ZNF362: variants seen among roughly 807,000 people sequenced by gnomAD.
ZNF362 encodes zinc finger protein 362.
ZNF362 carries 11 observed loss-of-function variants against 42.9 expected under a neutral mutation model. The ratio of observed to expected loss-of-function variants is 0.26; its 90% CI spans 0.16 to 0.42. ZNF362 has a LOEUF of 0.42. Ranked by LOEUF, ZNF362 falls within the 20% of genes least tolerant of loss-of-function variation. The pLI is 1.00. For synonymous variants in ZNF362, 255 were observed against 257.3 expected, an observed-to-expected ratio of 0.99 and a Z score of 0.09; for missense variants, 362 against 576.2, an observed-to-expected ratio of 0.63 and a Z score of 3.81.
chr1:33,249,155 G>T, the ZNF362 span, among the ~76,000 whole-genome samples: 1 of 152,224 alleles, frequency 6.6e-6, no homozygotes, highest in Non-Finnish European at 1.5e-5. Flanking sequence ...TCAGGATGTG[G>T]CTGTGAGCCA....
At chr1:33,161,810 C>G in the ZNF362 span, among the ~76,000 whole-genome samples, 28,331 of 152,182 alleles carry the variant, frequency 0.19, 3,126 homozygotes, top group South Asian at 0.3. This position sits in a 1 kb window ranked among gnomAD's most constrained non-coding sequence, Gnocchi z 4.3. Context: ...TTAGCCCACT[C>G]GCCACCCTCT....
the ZNF362 span, among the ~76,000 whole-genome samples, chr1:33,236,979 G>A: frequency 6.6e-6 from 1 of 151,912 alleles, no homozygotes; most frequent in Non-Finnish European, 1.5e-5. Context: ...GCTGAGGCAG[G>A]AGAATCATTT....
At chr1:33,234,996 T>TC in the ZNF362 span, among the ~76,000 whole-genome samples, 30 of 151,996 alleles carry the variant, frequency 2.0e-4, no homozygotes, top group Non-Finnish European at 3.7e-4. Flanking sequence ...GCTTCCTCAC[T>TC]CCCCCTGCAG....
the ZNF362 span, among the ~76,000 whole-genome samples, chr1:33,236,124 A>G: frequency 5.3e-5 from 8 of 152,092 alleles, no homozygotes; most frequent in African/African-American, 1.9e-4. Context: ...GGACGGGCTC[A>G]TAGTAATACC....
chr1:33,255,815 G>A (rs1645783979), upstream of ZNF362, among the ~76,000 whole-genome samples: 1 of 152,034 alleles, frequency 6.6e-6, no homozygotes, highest in Admixed American at 6.5e-5. Flanking sequence ...TCGTTATCAG[G>A]GGTGAGGGTC....
chr1:33,195,579 G>C, the ZNF362 span: 2 of 152,296 alleles, frequency 1.3e-5, no homozygotes, highest in South Asian at 4.2e-4. Context: ...GGATGTTACT[G>C]TATTGAATAC....
chr1:33,164,240 T>G, the ZNF362 span: 1 of 152,258 alleles, frequency 6.6e-6, no homozygotes, highest in Non-Finnish European at 1.5e-5. Context: ...GACCCCACAG[T>G]GGGTTGGTGG....
At chr1:33,243,882 G>A in the ZNF362 span, among the ~76,000 whole-genome samples, 19 of 151,988 alleles carry the variant, frequency 1.3e-4, no homozygotes, top group Non-Finnish European at 2.2e-4. Flanking sequence ...AAAGTGCTGG[G>A]ATTACAGGCG....
At chr1:33,248,705 G>A in the ZNF362 span, among the ~76,000 whole-genome samples, 1 of 152,288 alleles carries the variant, frequency 6.6e-6, no homozygotes, top group East Asian at 1.9e-4. Flanking sequence ...TCTGCCCAGT[G>A]CCAAGCCAGG....
chr1:33,132,137 C>T, the ZNF362 span, among the ~76,000 whole-genome samples: 4 of 152,170 alleles, frequency 2.6e-5, no homozygotes, highest in Admixed American at 6.5e-5. Context: ...GGTGTATCTA[C>T]TCTGGATCCA....
chr1:33,298,439 A>G (rs919681550), intron 8 of ZNF362, among the ~76,000 whole-genome samples: 2 of 152,196 alleles, frequency 1.3e-5, no homozygotes, highest in Non-Finnish European at 2.9e-5. Context: ...TCACCACAGC[A>G]ACCTGTTGAG....
At chr1:33,155,660 C>T in the ZNF362 span, among the ~76,000 whole-genome samples, 5 of 152,136 alleles carry the variant, frequency 3.3e-5, no homozygotes, top group African/African-American at 1.2e-4. Context: ...CAGCTCTGTG[C>T]CTCCGTTACT....
the ZNF362 span, among the ~76,000 whole-genome samples, chr1:33,205,689 G>A: frequency 6.6e-6 from 1 of 152,072 alleles, no homozygotes; most frequent in Non-Finnish European, 1.5e-5. Flanking sequence ...TGAGGTGAGT[G>A]GATCACCTGA....
At chr1:33,140,701 G>A in the ZNF362 span, among the ~76,000 whole-genome samples, 1 of 152,212 alleles carries the variant, frequency 6.6e-6, no homozygotes, top group Non-Finnish European at 1.5e-5. This position sits in a 1 kb window ranked among gnomAD's most constrained non-coding sequence, Gnocchi z 4.0. Context: ...TGTCCTTGCT[G>A]TGGCTGGTGC....
the ZNF362 span, among the ~76,000 whole-genome samples, chr1:33,159,246 C>A: frequency 6.6e-6 from 1 of 151,508 alleles, no homozygotes; most frequent in Non-Finnish European, 1.5e-5. This position sits in a 1 kb window ranked among gnomAD's most constrained non-coding sequence, Gnocchi z 4.2. Context: ...TATAGTAACA[C>A]GTAATGCCAA....
rs1646148399 is a variant in ZNF362, at chr1:33,299,327, C to T, written c.*281C>T. ...CTTTTTGTTCCCCACCCTTCACTTG[C>T]TTCACTGTTTTTTTTTTTTTCGTTT... On this transcript the variant is annotated 3_prime_UTR_variant, in exon 9 of 9. Transcript: ENST00000539719. 1.2e-5 allele frequency: 3 copies of T among 249,850 alleles called. No individual in the cohort carries two copies. The highest frequency in any genetic ancestry group is 1.8e-4 in the South Asian group (1 of 5,668). The allele number at this position is 249,850 out of a possible 1,614,324, so 15.5% of individuals were successfully genotyped here.
the ZNF362 span, among the ~76,000 whole-genome samples, chr1:33,202,757 A>G: frequency 9.2e-5 from 14 of 152,284 alleles, no homozygotes; most frequent in Non-Finnish European, 1.6e-4. Context: ...AAAAAAATTT[A>G]TAAAAGCCAG....
At chr1:33,236,572 T>TATATATATATATATATAC in the ZNF362 span, among the ~76,000 whole-genome samples, 12 of 98,694 alleles carry the variant, frequency 1.2e-4, no homozygotes, top group Non-Finnish European at 8.0e-5. Flanking sequence ...TATATATATA[T>TATATATATATATATATAC]ACATACACAC....
Position 33,276,510 on chromosome 1 carries a change from C to T in ZNF362, c.265C>T (p.Gln89Ter). 1 of 1,564,988 alleles carries T rather than the reference C, an allele frequency of 6.4e-7. No homozygotes were observed. Among genetic ancestry groups the T allele is most frequent in the Non-Finnish European group, 8.6e-7 (1 of 1,160,046 alleles). Residue 89 changes from glutamine to a stop codon, truncating the protein, a stop_gained, in exon 4 of 9, where the codon CAG becomes TAG. Transcript: ENST00000539719. LOFTEE classifies it high-confidence loss of function. ...GGCCGTCATGTCGCTGCCCAAGCTG[C>T]AGCAGGTGCCGGGGCTGCATCCACA... The part of the protein sequence containing the change: ...SQAVMSLPKL[Q>*]QVPGLHPQAV...
Sources: allele counts gnomAD v4.1 joint callset (sites outside exome capture counted in the v4.1 genomes callset), GRCh38; gene constraint gnomAD v4.1.1; non-coding constraint Gnocchi (gnomAD v3.1); transcripts MANE v1.5; gene names NCBI Gene and HGNC (gene_info 2026-07-23, HGNC 2026-07-21).